The following TENM3 variants were observed in gnomAD, a reference collection of about 807,000 sequenced individuals.
TENM3 encodes teneurin transmembrane protein 3.
TENM3 carries 63 observed loss-of-function variants against 255.1 expected under a neutral mutation model. That is an observed-to-expected ratio of 0.25 (90% CI 0.20 to 0.30). The LOEUF (loss-of-function observed/expected upper bound fraction) is 0.30, where lower values mean the gene tolerates loss of function less well. TENM3 is among the 10% of genes least tolerant of loss of function. The pLI is 1.00. For synonymous variants in TENM3, 1,306 were observed against 1,322.3 expected, an observed-to-expected ratio of 0.99 and a Z score of 0.27; for missense variants, 2,929 against 3,461.1, an observed-to-expected ratio of 0.85 and a Z score of 3.86.
chr4:182,628,122 G>A (rs1236906818), intron 4 of TENM3, among the ~76,000 whole-genome samples: 3 of 152,286 alleles, frequency 2.0e-5, no homozygotes, highest in East Asian at 1.9e-4. Flanking sequence ...GTACTTATTA[G>A]CAGAGAAGCA....
chr4:181,955,562 G>A, the TENM3 span, among the ~76,000 whole-genome samples: 1 of 152,180 alleles, frequency 6.6e-6, no homozygotes, highest in African/African-American at 2.4e-5. Flanking sequence ...GCAAGAAGGG[G>A]CCAGTGATAA....
the TENM3 span, among the ~76,000 whole-genome samples, chr4:182,108,194 A>C: frequency 6.6e-6 from 1 of 152,040 alleles, no homozygotes. Context: ...AGCCACCTAC[A>C]TCTCGCTCTT....
intron 26 of TENM3, among the ~76,000 whole-genome samples, chr4:182,795,347 C>G (rs2152834122): frequency 6.6e-6 from 1 of 152,200 alleles, no homozygotes; most frequent in African/African-American, 2.4e-5. Flanking sequence ...ATTTTTGCCC[C>G]CAATACTCCA....
rs114987363 is a variant in TENM3 at position 182,679,254 on chromosome 4, G to A, written c.1327-412G>A. 6.0e-3 allele frequency among the ~76,000 whole-genome samples: 913 copies of A among 152,100 alleles called. 7 individuals carry two copies. Among genetic ancestry groups the A allele is most frequent in the African/African-American group, 0.021 (859 of 41,506 alleles). On this transcript the variant is annotated intron_variant, in intron 7 of 27. Transcript: ENST00000511685. ...AATGATGGATACCAGAGGCCGGGAG[G>A]GCACTCAAAATACGTACGACTATTA...
the TENM3 span, among the ~76,000 whole-genome samples, chr4:182,051,671 T>C: frequency 2.0e-5 from 3 of 152,236 alleles, no homozygotes; most frequent in African/African-American, 7.2e-5. Context: ...TTTCCTTTCT[T>C]AAAGAGCATA....
the TENM3 span, among the ~76,000 whole-genome samples, chr4:181,524,856 C>T: frequency 6.6e-6 from 1 of 152,142 alleles, no homozygotes; most frequent in Admixed American, 6.5e-5. Context: ...CAGTCCCTCT[C>T]CTCGGACCAC....
At chr4:181,797,903 T>G in the TENM3 span, among the ~76,000 whole-genome samples, 3 of 152,158 alleles carry the variant, frequency 2.0e-5, no homozygotes, top group African/African-American at 7.2e-5. Flanking sequence ...GATAATAAAT[T>G]TGGAACCAGC....
chr4:181,919,858 T>C, the TENM3 span, among the ~76,000 whole-genome samples: 1 of 150,028 alleles, frequency 6.7e-6, no homozygotes, highest in South Asian at 2.2e-4. Context: ...GCATTAGGTA[T>C]ATCTCCTAAT....
chr4:182,519,671 C>G (rs918669972), intron 3 of TENM3, among the ~76,000 whole-genome samples: 1 of 152,142 alleles, frequency 6.6e-6, no homozygotes, highest in Non-Finnish European at 1.5e-5. Flanking sequence ...TAGCACAGTA[C>G]ATCTCTTCAA....
At chr4:181,845,559 T>G in the TENM3 span, among the ~76,000 whole-genome samples, 1 of 152,224 alleles carries the variant, frequency 6.6e-6, no homozygotes, top group Non-Finnish European at 1.5e-5. Context: ...TAAGCGTTTG[T>G]GCAACCTCCC....
At chr4:182,666,761 CGGT>C (rs1302489654) in intron 6 of TENM3, among the ~76,000 whole-genome samples, 1 of 151,824 alleles carries the variant, frequency 6.6e-6, no homozygotes, top group Non-Finnish European at 1.5e-5. Context: ...TAGCCAGACT[CGGT>C]GGTGTGCACC....
intron 3 of TENM3, among the ~76,000 whole-genome samples, chr4:182,391,774 G>A (rs766829379): frequency 7.2e-5 from 11 of 152,044 alleles, no homozygotes; most frequent in Non-Finnish European, 1.2e-4. Context: ...CATAAAGTTG[G>A]TACTTAAAAA....
intron 3 of TENM3, among the ~76,000 whole-genome samples, chr4:182,546,860 G>A (rs1039006415): frequency 1.1e-4 from 16 of 152,112 alleles, no homozygotes; most frequent in African/African-American, 3.4e-4. Flanking sequence ...AGTTAGCAGA[G>A]GTCGCTTCAA....
rs189406764 is a variant in TENM3, at chr4:182,547,241, T to A, written c.512-53683T>A. ...ACTGCAAACTCTTAATTTTAGATCT[T>A]CTTAGGTTTGTTGTAAATAGAAAGT... On this transcript the variant is annotated intron_variant, in intron 3 of 27. Coordinates refer to ENST00000511685, the MANE Select transcript of TENM3 (RefSeq NM_001080477.4). Among the ~76,000 whole-genome samples the A allele has an allele frequency of 1.3e-3, 192 of 152,276 alleles. 1 individual carries two copies. The highest frequency in any genetic ancestry group is 4.4e-3 in the African/African-American group (184 of 41,536).
chr4:181,544,705 G>A, the TENM3 span, among the ~76,000 whole-genome samples: 97 of 152,250 alleles, frequency 6.4e-4, no homozygotes, highest in African/African-American at 2.1e-3. Context: ...TGGATTATCG[G>A]TGCCACCATA....
the TENM3 span, among the ~76,000 whole-genome samples, chr4:181,756,231 CT>C: frequency 6.6e-6 from 1 of 152,104 alleles, no homozygotes; most frequent in African/African-American, 2.4e-5. Flanking sequence ...CCTTGTTATC[CT>C]AGTGAAACAG....
At chr4:182,265,100 A>C (rs1759160379) in intron 1 of TENM3, among the ~76,000 whole-genome samples, 1 of 152,138 alleles carries the variant, frequency 6.6e-6, no homozygotes. Flanking sequence ...TTCCTCATGA[A>C]ATCCCAGGAA....
At chr4:182,765,397 G>A (rs1434558935) in intron 22 of TENM3, among the ~76,000 whole-genome samples, 2 of 152,010 alleles carry the variant, frequency 1.3e-5, no homozygotes, top group African/African-American at 2.4e-5. Context: ...CTAATTTTTT[G>A]AAATCTTCAA....
At position 182,720,062 on chromosome 4, in the gene TENM3, T is replaced by TCACA. The variant is rs539752485; in HGVS notation, c.2368+5844_2368+5847dup. Among the ~76,000 whole-genome samples, 127 of 149,686 alleles carry TCACA rather than the reference T, an allele frequency of 8.5e-4. 5 individuals carry two copies. The South Asian group carries it at 0.026, about 30-fold the overall frequency. ...GGATGAAAGAGTGAGACCCTGTCTC[T>TCACA]CACACACACACACACACAAACAAAC... is the stretch of plus-strand genomic sequence containing the variant. On this transcript the variant is annotated intron_variant, in intron 13 of 27. Coordinates refer to ENST00000511685, the MANE Select transcript of TENM3 (RefSeq NM_001080477.4).
Sources: gnomAD v4.1 joint callset for allele counts (sites outside exome capture counted in the v4.1 genomes callset) on GRCh38, gnomAD v4.1.1 for gene constraint, MANE v1.5 for transcripts, NCBI Gene and HGNC (gene_info 2026-07-23, HGNC 2026-07-21) for gene names.